The following CYTIP variants were observed in gnomAD, a reference collection of about 807,000 sequenced individuals.
CYTIP encodes the protein cytohesin-interacting protein.
CYTIP carries 26 observed loss-of-function variants against 43.8 expected under a neutral mutation model. The ratio of observed to expected loss-of-function variants is 0.59; its 90% CI spans 0.44 to 0.82. The LOEUF is 0.82. Ranked by LOEUF, CYTIP falls within the 40% of genes least tolerant of loss-of-function variation. CYTIP has a pLI of 0.00. For synonymous variants in CYTIP, 162 were observed against 162.9 expected, an observed-to-expected ratio of 0.99 and a Z score of 0.04; for missense variants, 426 against 443.1, an observed-to-expected ratio of 0.96 and a Z score of 0.35.
chr2:157,437,620 A>C (rs1371601725), intron 1 of CYTIP, among the ~76,000 whole-genome samples: 5 of 151,722 alleles, frequency 3.3e-5, no homozygotes, highest in African/African-American at 1.2e-4. Flanking sequence ...GAATCGCTTC[A>C]ACCCGGGCGG....
intron 3 of CYTIP, chr2:157,434,076 C>G (rs1685755190): frequency 6.7e-6 from 3 of 447,966 alleles, no homozygotes; most frequent in Non-Finnish European, 8.0e-6. Flanking sequence ...ACTCTCTTAT[C>G]TAAGACCTAG....
chr2:157,441,250 G>A (rs1324809499), intron 1 of CYTIP, among the ~76,000 whole-genome samples: 1 of 152,158 alleles, frequency 6.6e-6, no homozygotes, highest in African/African-American at 2.4e-5. Flanking sequence ...GGATCTTGTT[G>A]CCTGCAATTT....
intron 6 of CYTIP, among the ~76,000 whole-genome samples, chr2:157,421,069 GCA>G (rs1685515262): frequency 6.6e-6 from 1 of 152,198 alleles, no homozygotes; most frequent in Non-Finnish European, 1.5e-5. Flanking sequence ...AGTGTAAAGA[GCA>G]GATGTGTCAA....
chr2:157,434,618 G>GC, intron 2 of CYTIP, 80 bp downstream of exon 2: 1 of 1,001,996 alleles, frequency 1.0e-6, no homozygotes. Context: ...AGAGAGAGAG[G>GC]AAGAGAGAGG....
At chr2:157,436,269 G>C (rs1290092984) in intron 1 of CYTIP, among the ~76,000 whole-genome samples, 2 of 152,190 alleles carry the variant, frequency 1.3e-5, no homozygotes, top group South Asian at 4.1e-4. Context: ...TTTGTACCTC[G>C]TATGTACCGT....
chr2:157,418,262 T>A (rs944578497), intron 7 of CYTIP, among the ~76,000 whole-genome samples: 6 of 152,200 alleles, frequency 3.9e-5, no homozygotes, highest in Non-Finnish European at 8.8e-5. Flanking sequence ...TTTTCTAAAA[T>A]CTCCAGGTGC....
intron 6 of CYTIP, among the ~76,000 whole-genome samples, chr2:157,423,882 A>G (rs1685561623): frequency 6.6e-6 from 1 of 152,148 alleles, no homozygotes; most frequent in Non-Finnish European, 1.5e-5. Context: ...ATTTTTTCAA[A>G]TGAATAAATG....
intron 1 of CYTIP, among the ~76,000 whole-genome samples, chr2:157,438,022 G>A (rs1685840804): frequency 6.6e-6 from 1 of 152,102 alleles, no homozygotes; most frequent in Admixed American, 6.5e-5. Flanking sequence ...CCCACTACTG[G>A]GAATTCATCC....
intron 5 of CYTIP, 73 bp from the exon 6 acceptor site, chr2:157,427,493 C>T: frequency 9.0e-7 from 1 of 1,110,438 alleles, no homozygotes. Context: ...AAATAAGTAC[C>T]ATACTACAGA....
intron 6 of CYTIP, among the ~76,000 whole-genome samples, chr2:157,419,580 GTCTCCCA>G (rs1685488977): frequency 6.6e-6 from 1 of 152,286 alleles, no homozygotes; most frequent in South Asian, 2.1e-4. Flanking sequence ...TAGGCTCACT[GTCTCCCA>G]TTATTTATTC....
At chr2:157,426,534 A>C (rs1013633348) in intron 6 of CYTIP, among the ~76,000 whole-genome samples, 2 of 152,256 alleles carry the variant, frequency 1.3e-5, no homozygotes, top group African/African-American at 4.8e-5. Flanking sequence ...CTCATATTTC[A>C]TGAAGAAAAC....
intron 3 of CYTIP, among the ~76,000 whole-genome samples, chr2:157,433,394 T>C (rs1258987951): frequency 6.6e-6 from 1 of 152,214 alleles, no homozygotes; most frequent in African/African-American, 2.4e-5. Flanking sequence ...AGTTCCATTT[T>C]GTTTCTTTAC....
chr2:157,422,117 G>T (rs769442318), intron 6 of CYTIP, among the ~76,000 whole-genome samples: 4 of 152,118 alleles, frequency 2.6e-5, no homozygotes, highest in Non-Finnish European at 4.4e-5. Context: ...CCTAAACACA[G>T]CCTCGTGACC....
chr2:157,418,433 T>C, intron 7 of CYTIP, 90 bp downstream of exon 7: 4 of 1,337,878 alleles, frequency 3.0e-6, no homozygotes, highest in Non-Finnish European at 3.1e-6. Context: ...AAATTTTTCT[T>C]ATAATGATGA....
chr2:157,426,294 T>C (rs778726891), intron 6 of CYTIP, among the ~76,000 whole-genome samples: 27 of 152,204 alleles, frequency 1.8e-4, no homozygotes, highest in Non-Finnish European at 2.9e-4. Context: ...ATAAAGATTT[T>C]AATTGCTCTC....
chr2:157,418,935 T>A (rs183033888), intron 6 of CYTIP, among the ~76,000 whole-genome samples: 3 of 152,318 alleles, frequency 2.0e-5, no homozygotes, highest in African/African-American at 7.2e-5. Flanking sequence ...GATTCCCACA[T>A]CTGTAGGATG....
chr2:157,426,745 C>A (rs765677649), intron 6 of CYTIP, among the ~76,000 whole-genome samples: 1 of 152,042 alleles, frequency 6.6e-6, no homozygotes, highest in African/African-American at 2.4e-5. Context: ...CTTAGGAGAC[C>A]CTCATCAGCC....
chr2:157,433,946 A>G (rs934964882), intron 3 of CYTIP, among the ~76,000 whole-genome samples: 1 of 152,226 alleles, frequency 6.6e-6, no homozygotes, highest in African/African-American at 2.4e-5. Flanking sequence ...ACAGATGTAT[A>G]GTCTTTCGAG....
At position 157,415,630 on chromosome 2, in the gene CYTIP, T is replaced by G. The variant is rs1685427315; in HGVS notation, c.*47A>C. On this transcript the variant is annotated 3_prime_UTR_variant, in exon 8 of 8. Transcript: ENST00000264192. ...CACCAAGCTGGGATCTGGGTGAGTC[T>G]AGAGATATTTGTGAAATAAGCTAAT... The G allele has an allele frequency of 1.5e-6, 2 of 1,359,804 alleles. No homozygotes were observed. Among genetic ancestry groups the G allele is most frequent in the South Asian group, 2.6e-5 (2 of 75,934 alleles). The allele number at this position is 1,359,804 out of a possible 1,614,324, so 84.2% of individuals were successfully genotyped here.
Sources: gnomAD v4.1 joint callset for allele counts (sites outside exome capture counted in the v4.1 genomes callset) on GRCh38, gnomAD v4.1.1 for gene constraint, MANE v1.5 for transcripts, NCBI Gene and HGNC (gene_info 2026-07-23, HGNC 2026-07-21) for gene names.